Variants in SND1 observed in about 807,000 individuals in gnomAD.
SND1 encodes the protein staphylococcal nuclease domain-containing protein 1.
In SND1, 38 loss-of-function variants were observed where a neutral mutation model predicts 121.7. The observed-to-expected ratio is 0.31, with a 90% confidence interval of 0.24 to 0.41. The LOEUF (loss-of-function observed/expected upper bound fraction) is 0.41. Ranked by LOEUF, SND1 falls within the 10% of genes least tolerant of loss-of-function variation. The pLI is 1.00. For synonymous variants in SND1, 401 were observed against 447.4 expected (o/e 0.90, Z 1.31); for missense variants, 868 against 1,184.6 (o/e 0.73, Z 3.92).
At chr7:127,756,626 G>C (rs1026517877) in intron 10 of SND1, among the ~76,000 whole-genome samples, 1 of 152,052 alleles carries the variant, frequency 6.6e-6, no homozygotes, top group African/African-American at 2.4e-5. Flanking sequence ...CTCTTCTTTA[G>C]CCATTCCTCT....
chr7:128,081,476 C>T lies in SND1; in HGVS notation c.2085C>T (p.His695=). 6.2e-7 allele frequency: 1 copy of T among 1,614,122 alleles called. No homozygotes were observed. Among genetic ancestry groups the T allele is most frequent in the African/African-American group, 1.3e-5 (1 of 75,068 alleles). ...VFVTEITDDL[H]FYVQDVETGT... ...TGACTGAGATCACTGATGACCTGCA[C>T]TTCTACGTGCAGGATGTGGAGACCG... The change falls in exon 18 of 24, where the codon CAC becomes CAT. Residue 695 remains histidine, a synonymous_variant. Transcript: ENST00000354725.
chr7:127,751,839 T>C (rs1797102385), intron 10 of SND1, among the ~76,000 whole-genome samples: 1 of 152,178 alleles, frequency 6.6e-6, no homozygotes, highest in Non-Finnish European at 1.5e-5. Context: ...CAATTGGCTG[T>C]CCAAATAGCA....
intron 1 of SND1, among the ~76,000 whole-genome samples, chr7:127,674,171 TG>T (rs1795577371): frequency 1.3e-5 from 2 of 152,112 alleles, no homozygotes; most frequent in South Asian, 4.2e-4. Flanking sequence ...CGTCCCCACT[TG>T]CATTTCTGCA....
At chr7:127,784,187 G>T (rs1797772523) in intron 10 of SND1, among the ~76,000 whole-genome samples, 1 of 152,010 alleles carries the variant, frequency 6.6e-6, no homozygotes, top group African/African-American at 2.4e-5. Context: ...CAGCTTTTTG[G>T]CTCACTGTTT....
At chr7:127,746,406 A>G (rs1377904356) in intron 10 of SND1, among the ~76,000 whole-genome samples, 1 of 152,184 alleles carries the variant, frequency 6.6e-6, no homozygotes, top group African/African-American at 2.4e-5. Context: ...GTGTCCTTAC[A>G]TTCATTTCCA....
chr7:128,081,343 G>A lies in SND1; in HGVS notation c.1969-17G>A, dbSNP rs1793598445. On this transcript the variant is annotated splice_polypyrimidine_tract_variant and intron_variant, in intron 17 of 23. Coordinates refer to ENST00000354725, the MANE Select transcript of SND1 (RefSeq NM_014390.4). ...ACTTCCTCGCCCTCTTCTCACCTCT[G>A]CCGACTGAACATGCAGGTCTGGGCC... 1.2e-5 allele frequency: 20 copies of A among 1,613,788 alleles called. No individual in the cohort carries two copies. The highest frequency in any genetic ancestry group is 3.3e-4 in the Middle Eastern group (2 of 6,046).
chr7:127,928,043 A>G (rs1239151530), intron 14 of SND1: 2 of 152,092 alleles, frequency 1.3e-5, no homozygotes, highest in South Asian at 2.1e-4. Context: ...CACTTACTCT[A>G]TCACCTGTTT....
intron 15 of SND1, among the ~76,000 whole-genome samples, chr7:127,953,327 G>A (rs1019449336): frequency 5.9e-5 from 9 of 151,798 alleles, no homozygotes; most frequent in East Asian, 1.9e-4. Context: ...TCTCTTTTCC[G>A]TCCCCTGAAC....
intron 16 of SND1, chr7:127,997,669 T>A (rs772550590): frequency 1.9e-6 from 1 of 519,560 alleles, no homozygotes; most frequent in Admixed American, 2.0e-5. Flanking sequence ...AGTTTACATA[T>A]ATTCTTGATA....
chr7:127,856,535 G>C (rs1254410205), intron 12 of SND1, among the ~76,000 whole-genome samples: 3 of 151,952 alleles, frequency 2.0e-5, no homozygotes, highest in Non-Finnish European at 2.9e-5. Flanking sequence ...CGATCTTGGA[G>C]GTGAGTATGT....
intron 1 of SND1, among the ~76,000 whole-genome samples, chr7:127,678,146 A>G (rs1795646615): frequency 6.6e-6 from 1 of 152,196 alleles, no homozygotes; most frequent in South Asian, 2.1e-4. Flanking sequence ...TCAGCTCCCA[A>G]ATGCTTGTTT....
chr7:127,790,383 CTG>C (rs1307805213), intron 10 of SND1, among the ~76,000 whole-genome samples: 2 of 152,152 alleles, frequency 1.3e-5, no homozygotes, highest in Non-Finnish European at 2.9e-5. Flanking sequence ...AGGAAAAGGA[CTG>C]TTTTTCTCTT....
chr7:127,946,947 A>G (rs986898839), intron 15 of SND1, among the ~76,000 whole-genome samples: 1 of 152,028 alleles, frequency 6.6e-6, no homozygotes, highest in African/African-American at 2.4e-5. Context: ...TGCTTCTCAC[A>G]TCCATAAGAA....
intron 9 of SND1, among the ~76,000 whole-genome samples, chr7:127,709,895 A>G (rs549494632): frequency 5.5e-4 from 84 of 152,328 alleles, no homozygotes; most frequent in Middle Eastern, 6.8e-3. Flanking sequence ...ATTCTTTAGC[A>G]TTCGTTTTGC....
At chr7:127,701,472 G>T in intron 5 of SND1, 149 bp downstream of exon 5, 1 of 762,594 alleles carries the variant, frequency 1.3e-6, no homozygotes, top group East Asian at 2.7e-5. Flanking sequence ...CAGCACCTTA[G>T]TATTTCAGAA....
Position 128,092,337 on chromosome 7 carries a change from A to AG in SND1, c.*279_*280insG, listed in dbSNP as rs1793798364. The AG allele has an allele frequency of 4.4e-6, 2 of 454,560 alleles. No individual in the cohort carries two copies. Among genetic ancestry groups the AG allele is most frequent in the Admixed American group, 7.5e-5 (2 of 26,600 alleles). 28.2% of individuals were successfully genotyped at this position (454,560 alleles called of 1,614,324 possible). A position where few individuals can be genotyped will look rare whatever the true frequency, so the allele number is the denominator to read the frequency against. On this transcript the variant is annotated 3_prime_UTR_variant, in exon 24 of 24. Coordinates refer to ENST00000354725, the MANE Select transcript of SND1 (RefSeq NM_014390.4). This position sits in a 1 kb window ranked among gnomAD's most constrained non-coding sequence, Gnocchi z 4.9. ...GTTTGTGGGCTTTTTTTAAAAAAAAAAAGTCCTCAAATCAGGAAGAAACAT... is the reference window on the plus strand; with the variant it reads ...GTTTGTGGGCTTTTTTTAAAAAAAAAGAAGTCCTCAAATCAGGAAGAAACAT...
intron 14 of SND1, among the ~76,000 whole-genome samples, chr7:127,925,501 T>C (rs1451933880): frequency 1.3e-5 from 2 of 152,178 alleles, no homozygotes; most frequent in African/African-American, 4.8e-5. Flanking sequence ...GCAGAAATAT[T>C]TGATATTACC....
Position 128,019,933 on chromosome 7 carries a change from G to A in SND1, c.1779+28877G>A, listed in dbSNP as rs568630281. Among the ~76,000 whole-genome samples the A allele has an allele frequency of 1.3e-3, 191 of 152,302 alleles. 5 individuals are homozygous for A. The South Asian group carries it at 0.038, about 30-fold the overall frequency. On this transcript the variant is annotated intron_variant, in intron 16 of 23. Coordinates refer to ENST00000354725, the MANE Select transcript of SND1 (RefSeq NM_014390.4). ...TGCTTACACAACACTAGGAAGGCCAGGGAGGTAGAGCGGGACTCCAGGCTT... is the reference window on the plus strand; with the variant it reads ...TGCTTACACAACACTAGGAAGGCCAAGGAGGTAGAGCGGGACTCCAGGCTT...
intron 4 of SND1, among the ~76,000 whole-genome samples, chr7:127,699,343 G>T (rs775272257): frequency 6.6e-6 from 1 of 152,182 alleles, no homozygotes; most frequent in East Asian, 1.9e-4. Flanking sequence ...TTCTGCTGAC[G>T]TTTTAATGGG....
Sources: gnomAD v4.1 joint callset for allele counts (sites outside exome capture counted in the v4.1 genomes callset) on GRCh38, gnomAD v4.1.1 for gene constraint, Gnocchi (gnomAD v3.1) non-coding constraint, MANE v1.5 for transcripts, NCBI Gene and HGNC (gene_info 2026-07-23, HGNC 2026-07-21) for gene names.